Variants in ALK observed in about 807,000 individuals in gnomAD.
The protein encoded by ALK is ALK receptor tyrosine kinase.
Under a neutral mutation model 163.1 loss-of-function variants are expected in ALK, and 74 were observed. That is an observed-to-expected ratio of 0.45 (90% CI 0.38 to 0.55). The LOEUF is 0.55. Among genes scored for constraint, ALK ranks in the 20% least tolerant of loss-of-function variants. The probability of loss-of-function intolerance (pLI) is 0.00; values close to 1 mark genes in which losing one functional copy is unlikely to be tolerated. For synonymous variants in ALK, 960 were observed against 843.2 expected (o/e 1.14, Z -2.40); for missense variants, 2,063 against 2,105.3 (o/e 0.98, Z 0.39).
At chr2:29,465,168 T>C (rs1391931653) in intron 4 of ALK, among the ~76,000 whole-genome samples, 1 of 152,020 alleles carries the variant, frequency 6.6e-6, no homozygotes, top group Non-Finnish European at 1.5e-5. Flanking sequence ...AAGAAAATCT[T>C]AAGGTACCTA....
intron 3 of ALK, among the ~76,000 whole-genome samples, chr2:29,546,631 C>T (rs559477561): frequency 3.4e-4 from 52 of 152,254 alleles, no homozygotes; most frequent in Non-Finnish European, 5.7e-4. Flanking sequence ...CCCTTTCCCA[C>T]GTGGGTTTTT....
At chr2:29,443,403 T>C (rs1304533639) in intron 4 of ALK, among the ~76,000 whole-genome samples, 1 of 152,210 alleles carries the variant, frequency 6.6e-6, no homozygotes, top group Non-Finnish European at 1.5e-5. Context: ...TCTTTAGAGC[T>C]GTTCTGCTGC....
chr2:29,676,437 C>A (rs1677874866), intron 3 of ALK, among the ~76,000 whole-genome samples: 1 of 151,920 alleles, frequency 6.6e-6, no homozygotes, highest in African/African-American at 2.4e-5. Flanking sequence ...ATTTCTTTTA[C>A]CTCAGGCACC....
chr2:29,644,722 TA>T (rs78044734), intron 3 of ALK, among the ~76,000 whole-genome samples: 119,369 of 151,624 alleles, frequency 0.79, 47,558 homozygotes, highest in African/African-American at 0.92. Context: ...TGGAAGACCT[TA>T]AAAAAAAACA....
At chr2:29,414,474 T>C (rs937144688) in intron 4 of ALK, among the ~76,000 whole-genome samples, 1 of 152,190 alleles carries the variant, frequency 6.6e-6, no homozygotes, top group Non-Finnish European at 1.5e-5. Flanking sequence ...GCCTTCATTG[T>C]TTCTTTCTCT....
At chr2:29,543,004 CT>C (rs544132970) in intron 3 of ALK, among the ~76,000 whole-genome samples, 3 of 151,682 alleles carry the variant, frequency 2.0e-5, no homozygotes, top group African/African-American at 7.3e-5. Context: ...CTGGGGTCAG[CT>C]TTTTTTATAT....
At chr2:29,295,866 C>T (rs1174948342) in intron 9 of ALK, among the ~76,000 whole-genome samples, 3 of 152,214 alleles carry the variant, frequency 2.0e-5, no homozygotes, top group East Asian at 3.9e-4. Flanking sequence ...TAAAAGATGG[C>T]TGTCCCCCAT....
At chr2:29,792,587 A>G (rs1394495494) in intron 1 of ALK, among the ~76,000 whole-genome samples, 1 of 152,234 alleles carries the variant, frequency 6.6e-6, no homozygotes, top group Middle Eastern at 3.2e-3. Context: ...ATCAGTAAAA[A>G]GGATTAAAAG....
intron 1 of ALK, among the ~76,000 whole-genome samples, chr2:29,802,950 T>G (rs1664523375): frequency 6.6e-6 from 1 of 152,074 alleles, no homozygotes. Flanking sequence ...AGTTCTCTGT[T>G]TCTTGGAAAA....
chr2:29,542,819 G>A (rs1048053427), intron 3 of ALK, among the ~76,000 whole-genome samples: 2 of 152,116 alleles, frequency 1.3e-5, no homozygotes, highest in African/African-American at 2.4e-5. Context: ...AAATTTATCC[G>A]TGGCATTTGC....
intron 15 of ALK, among the ~76,000 whole-genome samples, chr2:29,231,253 G>A (rs952256686): frequency 1.3e-5 from 2 of 152,194 alleles, no homozygotes; most frequent in East Asian, 1.9e-4. Context: ...CAGGAGAATC[G>A]CTTGAACCTG....
At chr2:29,780,263 G>A (rs181393052) in intron 1 of ALK, among the ~76,000 whole-genome samples, 2 of 152,134 alleles carry the variant, frequency 1.3e-5, no homozygotes, top group South Asian at 4.2e-4. Flanking sequence ...CCTGTCCATG[G>A]ACCTGAGATT....
intron 3 of ALK, among the ~76,000 whole-genome samples, chr2:29,653,963 G>T (rs1677105858): frequency 6.6e-6 from 1 of 152,124 alleles, no homozygotes; most frequent in Non-Finnish European, 1.5e-5. Context: ...GGAGGCTGAG[G>T]CATGAGAATC....
At chr2:29,764,518 T>C (rs969033246) in intron 1 of ALK, among the ~76,000 whole-genome samples, 2 of 152,180 alleles carry the variant, frequency 1.3e-5, no homozygotes, top group Non-Finnish European at 2.9e-5. Context: ...CTTTTATTTC[T>C]TCATTCATCA....
rs2256376 is a variant in ALK at position 29,695,074 on chromosome 2, C to A, written c.788-60G>T. The stretch of plus-strand genomic sequence containing the variant: ...ATTTCCCAAACGTGACTTTTCAGCC[C>A]CCTCCACTCCACACTAGGAGGTTGG... On this transcript the variant is annotated intron_variant, in intron 2 of 28. Coordinates refer to ENST00000389048, the MANE Select transcript of ALK (RefSeq NM_004304.5). The A allele has an allele frequency of 2.7e-5, 44 of 1,604,070 alleles. 1 individual carries two copies. The highest frequency in any genetic ancestry group is 1.3e-4 in the East Asian group (6 of 44,636).
intron 3 of ALK, among the ~76,000 whole-genome samples, chr2:29,592,959 C>T (rs1250447523): frequency 6.6e-6 from 1 of 152,156 alleles, no homozygotes; most frequent in African/African-American, 2.4e-5. Flanking sequence ...TCCAGAGCTG[C>T]GAGATAATAC....
At chr2:29,492,228 G>A (rs1573398807) in intron 4 of ALK, among the ~76,000 whole-genome samples, 1 of 152,160 alleles carries the variant, frequency 6.6e-6, no homozygotes, top group East Asian at 1.9e-4. Flanking sequence ...CTTTCTTTCT[G>A]AATCAGAGAT....
chr2:29,447,326 A>T (rs1670710829), intron 4 of ALK, among the ~76,000 whole-genome samples: 1 of 152,092 alleles, frequency 6.6e-6, no homozygotes, highest in Non-Finnish European at 1.5e-5. Flanking sequence ...GGGCAGGGAG[A>T]GTTGAGACTA....
At chr2:29,705,468 C>A (rs990619319) in intron 2 of ALK, among the ~76,000 whole-genome samples, 1 of 151,432 alleles carries the variant, frequency 6.6e-6, no homozygotes, top group African/African-American at 2.4e-5. Flanking sequence ...CCTGACTTGA[C>A]CTTGGAGGAC....
Sources: allele counts gnomAD v4.1 joint callset (sites outside exome capture counted in the v4.1 genomes callset), GRCh38; gene constraint gnomAD v4.1.1; transcripts MANE v1.5; gene names NCBI Gene and HGNC (gene_info 2026-07-23, HGNC 2026-07-21).